Variants in INPP4B observed in about 807,000 individuals in gnomAD.
INPP4B encodes the protein inositol polyphosphate-4-phosphatase type II B.
Under a neutral mutation model 122.5 loss-of-function variants are expected in INPP4B, and 55 were observed. The observed-to-expected ratio is 0.45, with a 90% confidence interval of 0.36 to 0.56. INPP4B has a LOEUF of 0.56. INPP4B is among the 20% of genes least tolerant of loss of function. The pLI, the probability that INPP4B is intolerant of heterozygous loss-of-function variation, is 0.00. For missense variants in INPP4B, 1,000 were observed against 1,097.7 expected (o/e 0.91, Z 1.26); for synonymous variants, 403 against 388.7 (o/e 1.04, Z -0.43).
intron 17 of INPP4B, among the ~76,000 whole-genome samples, chr4:142,147,976 G>T (rs1188053548): frequency 6.6e-6 from 1 of 152,140 alleles, no homozygotes; most frequent in African/African-American, 2.4e-5. Context: ...CATCTGGATT[G>T]GGATTTGGTG....
chr4:142,136,979 A>G (rs1198769827), intron 18 of INPP4B, among the ~76,000 whole-genome samples: 1 of 152,200 alleles, frequency 6.6e-6, no homozygotes, highest in African/African-American at 2.4e-5. Flanking sequence ...TTACAGATTC[A>G]ATGCCATCCC....
intron 2 of INPP4B, among the ~76,000 whole-genome samples, chr4:142,521,847 A>T (rs139287376): frequency 6.6e-6 from 1 of 152,288 alleles, no homozygotes; most frequent in African/African-American, 2.4e-5. Flanking sequence ...ATGATAATGC[A>T]TATAGAATTA....
chr4:142,524,527 G>A (rs577346733), intron 2 of INPP4B, among the ~76,000 whole-genome samples: 1 of 151,866 alleles, frequency 6.6e-6, no homozygotes, highest in South Asian at 2.1e-4. Flanking sequence ...TTGTAAATTT[G>A]TTTGAGTTCA....
intron 2 of INPP4B, among the ~76,000 whole-genome samples, chr4:142,713,129 A>C (rs1266154603): frequency 6.6e-6 from 1 of 152,236 alleles, no homozygotes; most frequent in Admixed American, 6.5e-5. Context: ...TCAATTGTGA[A>C]GAGGCTAAGA....
intron 1 of INPP4B, among the ~76,000 whole-genome samples, chr4:142,743,491 G>C (rs575165026): frequency 1.3e-4 from 20 of 152,048 alleles, no homozygotes; most frequent in African/African-American, 4.6e-4. Context: ...GCATTTTAGA[G>C]AGTTACTGCT....
intron 1 of INPP4B, among the ~76,000 whole-genome samples, chr4:142,781,967 T>C (rs1268098706): frequency 6.7e-6 from 1 of 149,998 alleles, no homozygotes; most frequent in Non-Finnish European, 1.5e-5. Flanking sequence ...CCTTTTATTT[T>C]TTTTATTTTT....
chr4:142,778,645 T>TG (rs1253771867), intron 1 of INPP4B, among the ~76,000 whole-genome samples: 2 of 152,074 alleles, frequency 1.3e-5, no homozygotes, highest in African/African-American at 2.4e-5. Flanking sequence ...GAGTGTGTCT[T>TG]GGGGGTTGGA....
At chr4:142,366,660 C>G (rs1194469754) in intron 7 of INPP4B, among the ~76,000 whole-genome samples, 1 of 151,980 alleles carries the variant, frequency 6.6e-6, no homozygotes, top group Non-Finnish European at 1.5e-5. Context: ...TTCAACTGAA[C>G]AAAGATTTTC....
intron 2 of INPP4B, among the ~76,000 whole-genome samples, chr4:142,542,466 A>T (rs943126226): frequency 6.6e-6 from 1 of 152,308 alleles, no homozygotes; most frequent in Admixed American, 6.5e-5. Context: ...TTTGAGAAAA[A>T]CTAGCAAATT....
chr4:142,388,362 A>T (rs1796601011), intron 7 of INPP4B, among the ~76,000 whole-genome samples: 1 of 150,544 alleles, frequency 6.6e-6, no homozygotes, highest in African/African-American at 2.5e-5. Flanking sequence ...CTCTTCTTAG[A>T]TCTTATTTTT....
intron 7 of INPP4B, among the ~76,000 whole-genome samples, chr4:142,373,588 A>G (rs552617841): frequency 1.3e-5 from 2 of 151,912 alleles, no homozygotes; most frequent in South Asian, 4.2e-4. Flanking sequence ...CATCTAGAAA[A>G]TGGGAATGAC....
intron 11 of INPP4B, among the ~76,000 whole-genome samples, chr4:142,255,364 T>G (rs1465048139): frequency 1.3e-5 from 2 of 152,032 alleles, no homozygotes; most frequent in Admixed American, 1.3e-4. Flanking sequence ...ATATTAACTT[T>G]AAATGAAAAT....
intron 25 of INPP4B, among the ~76,000 whole-genome samples, chr4:142,071,624 T>A (rs1361906050): frequency 1.3e-5 from 2 of 152,066 alleles, no homozygotes; most frequent in African/African-American, 2.4e-5. Context: ...TACAAAGAAC[T>A]TCAGCAAATT....
intron 1 of INPP4B, among the ~76,000 whole-genome samples, chr4:142,824,715 C>T (rs1174545916): frequency 6.6e-6 from 1 of 151,798 alleles, no homozygotes; most frequent in Non-Finnish European, 1.5e-5. Flanking sequence ...GGGTTGAATG[C>T]CTCTCTCTCA....
At chr4:142,665,438 G>A (rs1268091663) in intron 2 of INPP4B, among the ~76,000 whole-genome samples, 1 of 144,364 alleles carries the variant, frequency 6.9e-6, no homozygotes, top group African/African-American at 2.6e-5. Context: ...AGCTTGCAGT[G>A]AGCCGAGATC....
At chr4:142,075,796 G>A (rs1031251261) in intron 25 of INPP4B, among the ~76,000 whole-genome samples, 2 of 151,950 alleles carry the variant, frequency 1.3e-5, no homozygotes, top group Non-Finnish European at 2.9e-5. Flanking sequence ...GCCTTCACAC[G>A]TTAGGAAACT....
chr4:142,176,593 C>A (rs1301488512), intron 15 of INPP4B, among the ~76,000 whole-genome samples: 1 of 152,070 alleles, frequency 6.6e-6, no homozygotes, highest in African/African-American at 2.4e-5. Context: ...TGCACATGTT[C>A]TTTATTCATG....
rs1227920990 is a variant in INPP4B, at chr4:142,673,485, A to G, written c.-191+52354T>C. Among the ~76,000 whole-genome samples the G allele has an allele frequency of 2.0e-5, 3 of 151,984 alleles. No individual in the cohort carries two copies. The East Asian group carries it at 5.8e-4, about 29-fold the overall frequency. On this transcript the variant is annotated intron_variant, in intron 2 of 25. Transcript: ENST00000262992. ...AATTGCCACAAGGAGGTTGGGACAG[A>G]GAATAATACGTTTGCAACCTGATGA... is the stretch of plus-strand genomic sequence containing the variant.
In INPP4B at chr4:142,152,066, C is replaced by CT. The variant is rs572092121; in HGVS notation, c.1564-6071dup. 6.5e-3 allele frequency among the ~76,000 whole-genome samples: 456 copies of CT among 69,928 alleles called. 43 individuals are homozygous for CT. The highest frequency in any genetic ancestry group is 0.024 in the African/African-American group (431 of 17,980). 45.9% of individuals were successfully genotyped at this position (69,928 alleles called of 152,430 possible). ...TGCCTAACATGCTTTTTTGTCTTTT[C>CT]TTTTTTTTTTTTTTTTTTTTTTTTT... On this transcript the variant is annotated intron_variant, in intron 17 of 25. Coordinates refer to ENST00000262992, the MANE Select transcript of INPP4B (RefSeq NM_001101669.3).
Sources: gnomAD v4.1 joint callset for allele counts (sites outside exome capture counted in the v4.1 genomes callset) on GRCh38, gnomAD v4.1.1 for gene constraint, MANE v1.5 for transcripts, NCBI Gene and HGNC (gene_info 2026-07-23, HGNC 2026-07-21) for gene names.